The following DENND5B variants were observed in gnomAD, a reference collection of about 807,000 sequenced individuals.
DENND5B encodes the protein DENN domain containing 5B.
A neutral mutation model predicts 140.6 loss-of-function variants in DENND5B; 34 were observed. The observed-to-expected ratio is 0.24, with a 90% CI of 0.18 to 0.32. The LOEUF is 0.32. DENND5B is among the 10% of genes least tolerant of loss of function. The pLI is 1.00. For missense variants in DENND5B, 1,142 were observed against 1,560.2 expected (o/e 0.73, Z 4.52); for synonymous variants, 551 against 562.1 (o/e 0.98, Z 0.28).
At chr12:31,535,458 T>G (rs1948459499) in intron 1 of DENND5B, among the ~76,000 whole-genome samples, 1 of 151,898 alleles carries the variant, frequency 6.6e-6, no homozygotes, top group South Asian at 2.1e-4. Context: ...ACACACACTC[T>G]GACTCAGTTT....
Position 31,387,438 on chromosome 12 carries a change from G to A in DENND5B, c.*165C>T. 1 of 599,984 alleles carries A rather than the reference G, an allele frequency of 1.7e-6. No individual in the cohort carries two copies. The highest frequency in any genetic ancestry group is 2.8e-6 in the Non-Finnish European group (1 of 355,430). The allele number at this position is 599,984 out of a possible 1,614,324, so 37.2% of individuals were successfully genotyped here. On this transcript the variant is annotated 3_prime_UTR_variant, in exon 21 of 21. Coordinates refer to ENST00000389082, the MANE Select transcript of DENND5B (RefSeq NM_144973.4). The stretch of plus-strand genomic sequence containing the variant: ...TTTATACTAAATTCCAGGTTCAAAT[G>A]AACTACAATACAACATTTTGCCTTG...
rs376922594 is a variant in DENND5B, at chr12:31,571,768, G to A, written c.127+18938C>T. 7.9e-5 allele frequency among the ~76,000 whole-genome samples: 12 copies of A among 151,964 alleles called. No homozygotes were observed. The East Asian group carries it at 1.7e-3, about 22-fold the overall frequency. On this transcript the variant is annotated intron_variant, in intron 1 of 20. Coordinates refer to ENST00000389082, the MANE Select transcript of DENND5B (RefSeq NM_144973.4). ...GAGTAGCTGGGGAGCCACCACGCCC[G>A]GCTAATTTTTGTGTATTTTTAGTAG...
At chr12:31,436,292 G>A in intron 7 of DENND5B, among the ~76,000 whole-genome samples, 1 of 151,868 alleles carries the variant, frequency 6.6e-6, no homozygotes, top group Non-Finnish European at 1.5e-5. Flanking sequence ...GTAGAGACAG[G>A]GTTTCATTAT....
At chr12:31,536,780 T>C (rs1948510321) in intron 1 of DENND5B, among the ~76,000 whole-genome samples, 1 of 152,154 alleles carries the variant, frequency 6.6e-6, no homozygotes. Flanking sequence ...TCTCAAGCCA[T>C]TTCATAATCA....
intron 8 of DENND5B, among the ~76,000 whole-genome samples, chr12:31,429,119 A>G (rs1296117842): frequency 2.1e-5 from 3 of 146,072 alleles, no homozygotes; most frequent in African/African-American, 7.7e-5. Context: ...TGATCCGCCC[A>G]CCTCGGCCTC....
intron 3 of DENND5B, among the ~76,000 whole-genome samples, chr12:31,474,890 G>A (rs530302398): frequency 1.1e-4 from 16 of 152,074 alleles, no homozygotes; most frequent in African/African-American, 2.7e-4. Context: ...CAATTACTTC[G>A]CATGACACCT....
intron 1 of DENND5B, chr12:31,541,149 C>A (rs1389453343): frequency 1.0e-5 from 3 of 300,126 alleles, no homozygotes; most frequent in Non-Finnish European, 2.0e-5. Context: ...CTGGAGTGGG[C>A]AAGGATTTCT....
At chr12:31,555,292 G>A (rs1021120954) in intron 1 of DENND5B, among the ~76,000 whole-genome samples, 12 of 152,188 alleles carry the variant, frequency 7.9e-5, no homozygotes, top group Admixed American at 6.5e-4. Flanking sequence ...CTCAGCTGCA[G>A]GTCTGTTGGA....
chr12:31,521,098 T>C (rs963788668), intron 1 of DENND5B, among the ~76,000 whole-genome samples: 1 of 151,848 alleles, frequency 6.6e-6, no homozygotes, highest in African/African-American at 2.4e-5. Context: ...ATCATTAAAG[T>C]TGGTCTTTTT....
intron 17 of DENND5B, among the ~76,000 whole-genome samples, chr12:31,394,612 G>GA (rs779392043): frequency 8.4e-6 from 1 of 119,484 alleles, no homozygotes. Context: ...GTTACCCTGT[G>GA]CTCTTTTTTT....
At chr12:31,540,325 T>C (rs1437436539) in intron 1 of DENND5B, among the ~76,000 whole-genome samples, 2 of 152,032 alleles carry the variant, frequency 1.3e-5, no homozygotes, top group Admixed American at 6.6e-5. Flanking sequence ...GCAATCCCTA[T>C]AAAAATACCA....
intron 2 of DENND5B, among the ~76,000 whole-genome samples, chr12:31,494,181 TATCCATCC>T (rs140870680): frequency 0.18 from 15,113 of 84,448 alleles, 1,118 homozygotes; most frequent in Admixed American, 0.24. Flanking sequence ...TCTATCTATC[TATCCATCC>T]ATCCATCCAT....
chr12:31,405,011 C>T (rs910328750), intron 14 of DENND5B, among the ~76,000 whole-genome samples: 10 of 152,090 alleles, frequency 6.6e-5, no homozygotes, highest in African/African-American at 1.4e-4. Context: ...CTGCTCACCT[C>T]GGCCTCCCAA....
At chr12:31,501,918 G>T (rs1483035847) in intron 1 of DENND5B, among the ~76,000 whole-genome samples, 1 of 152,140 alleles carries the variant, frequency 6.6e-6, no homozygotes, top group African/African-American at 2.4e-5. Flanking sequence ...TGTGTGGGGT[G>T]AGGCAAGTAT....
chr12:31,474,944 A>T (rs1366947370), intron 3 of DENND5B, among the ~76,000 whole-genome samples: 1 of 152,214 alleles, frequency 6.6e-6, no homozygotes, highest in Non-Finnish European at 1.5e-5. Context: ...AAAAATAAAT[A>T]TTGAGACAGA....
intron 1 of DENND5B, among the ~76,000 whole-genome samples, chr12:31,554,119 G>A (rs1949182894): frequency 6.6e-6 from 1 of 152,150 alleles, no homozygotes; most frequent in Admixed American, 6.5e-5. Context: ...ATGTTAGATG[G>A]TTATTTTGCT....
intron 1 of DENND5B, among the ~76,000 whole-genome samples, chr12:31,556,453 C>T (rs980890350): frequency 1.3e-5 from 2 of 152,168 alleles, no homozygotes; most frequent in Non-Finnish European, 1.5e-5. Flanking sequence ...TCACTTGCCT[C>T]GGCCTCCCAA....
chr12:31,579,405 T>C (rs940530380), intron 1 of DENND5B, among the ~76,000 whole-genome samples: 9 of 152,180 alleles, frequency 5.9e-5, no homozygotes, highest in African/African-American at 2.2e-4. Context: ...CTCATGCCTG[T>C]AATCCCAGCA....
At chr12:31,476,966 C>T (rs1290194825) in intron 3 of DENND5B, among the ~76,000 whole-genome samples, 2 of 152,150 alleles carry the variant, frequency 1.3e-5, no homozygotes, top group East Asian at 1.9e-4. Flanking sequence ...CAGTGGCTCA[C>T]GCCGGTAATC....
Sources: gnomAD v4.1 joint callset for allele counts (sites outside exome capture counted in the v4.1 genomes callset) on GRCh38, gnomAD v4.1.1 for gene constraint, MANE v1.5 for transcripts, NCBI Gene and HGNC (gene_info 2026-07-23, HGNC 2026-07-21) for gene names.